Variants in RANBP2 observed in about 807,000 individuals in gnomAD.
RANBP2 encodes the protein RAN binding protein 2, also known as E3 SUMO-protein ligase RanBP2.
In RANBP2, 57 loss-of-function variants were observed where a neutral mutation model predicts 303.6. The observed-to-expected ratio is 0.19, with a 90% CI of 0.15 to 0.23. The LOEUF is 0.23. Ranked by LOEUF, RANBP2 falls within the 10% of genes least tolerant of loss-of-function variation. The pLI, the probability that RANBP2 is intolerant of heterozygous loss-of-function variation, is 1.00. For missense variants in RANBP2, 3,138 were observed against 3,780.8 expected, an observed-to-expected ratio of 0.83 and a Z score of 4.46; for synonymous variants, 1,167 against 1,301.5, an observed-to-expected ratio of 0.90 and a Z score of 2.23.
chr2:109,213,766 G>A, the RANBP2 span, among the ~76,000 whole-genome samples: 1 of 152,224 alleles, frequency 6.6e-6, no homozygotes, highest in African/African-American at 2.4e-5. Flanking sequence ...ATAGGAACGT[G>A]ACGTGGTCTC....
At chr2:108,964,810 A>G in the RANBP2 span, among the ~76,000 whole-genome samples, 2 of 152,156 alleles carry the variant, frequency 1.3e-5, no homozygotes, top group African/African-American at 4.8e-5. Context: ...TCCTAATCAG[A>G]AGACCTTCCA....
the RANBP2 span, among the ~76,000 whole-genome samples, chr2:109,103,153 C>T: frequency 6.4e-3 from 970 of 152,308 alleles, 15 homozygotes; most frequent in African/African-American, 0.023. Context: ...GAGGAAAAAA[C>T]ATCAAAGTGG....
At chr2:109,299,102 G>A in the RANBP2 span, among the ~76,000 whole-genome samples, 1 of 152,268 alleles carries the variant, frequency 6.6e-6, no homozygotes, top group East Asian at 1.9e-4. Context: ...GGCTCCCCCA[G>A]GGCATTTGCA....
the RANBP2 span, among the ~76,000 whole-genome samples, chr2:109,471,443 T>A: frequency 3.7e-4 from 57 of 152,244 alleles, no homozygotes; most frequent in African/African-American, 1.3e-3. Flanking sequence ...TCACTCACTA[T>A]CACAAGAACA....
At chr2:109,297,766 T>A in the RANBP2 span, among the ~76,000 whole-genome samples, 1 of 148,272 alleles carries the variant, frequency 6.7e-6, no homozygotes, top group East Asian at 2.0e-4. Flanking sequence ...AGTCAGTGCC[T>A]CCCACTCAGT....
At chr2:109,096,990 C>T in the RANBP2 span, among the ~76,000 whole-genome samples, 1 of 152,010 alleles carries the variant, frequency 6.6e-6, no homozygotes, top group African/African-American at 2.4e-5. Context: ...TCACTGGCTT[C>T]CCCCCACCCA....
At chr2:108,742,744 A>G (rs535449366) in intron 7 of RANBP2, among the ~76,000 whole-genome samples, 15 of 152,326 alleles carry the variant, frequency 9.8e-5, no homozygotes, top group African/African-American at 3.4e-4. Context: ...TAATACCAAC[A>G]TTAAAAGGTT....
the RANBP2 span, chr2:108,805,067 A>G: frequency 1.0e-6 from 1 of 959,856 alleles, no homozygotes; most frequent in Non-Finnish European, 1.4e-6. Flanking sequence ...TATTTTATAT[A>G]TAACAAATTA....
chr2:109,524,927 C>T, the RANBP2 span, among the ~76,000 whole-genome samples: 2 of 152,052 alleles, frequency 1.3e-5, no homozygotes, highest in African/African-American at 2.4e-5. Flanking sequence ...GGTTCCTCCT[C>T]GGCGCAGATC....
At chr2:108,962,830 A>T in the RANBP2 span, among the ~76,000 whole-genome samples, 4 of 152,164 alleles carry the variant, frequency 2.6e-5, no homozygotes, top group Non-Finnish European at 5.9e-5. Context: ...GAGCAGAGTG[A>T]TGCTGAATTA....
the RANBP2 span, among the ~76,000 whole-genome samples, chr2:109,334,355 CT>C: frequency 7.2e-4 from 61 of 85,146 alleles, no homozygotes; most frequent in East Asian, 0.012. Context: ...TTTTTTTTTC[CT>C]TTAAAAAAAA....
At chr2:109,249,505 C>T in the RANBP2 span, among the ~76,000 whole-genome samples, 2 of 43,254 alleles carry the variant, frequency 4.6e-5, 1 homozygote, top group Non-Finnish European at 8.4e-5. Flanking sequence ...TTCTTTCTTT[C>T]TTTCATTCTT....
chr2:108,767,494 C>G lies in RANBP2; in HGVS notation c.6955C>G (p.Leu2319Val), dbSNP rs759284450. Residue 2319 changes from leucine to valine, a missense_variant, in exon 20 of 29, where the codon CTA becomes GTA. Transcript: ENST00000283195. ...TGAACCTGTTGTTCCTTTACCTGAT[C>G]TAGTTGAAGTATCCAGTGGTGAGGA... ...YFEPVVPLPD[L>V]VEVSSGEENE... 2.5e-6 allele frequency: 4 copies of G among 1,611,778 alleles called. No homozygotes were observed. Among genetic ancestry groups the G allele is most frequent in the Non-Finnish European group, 3.4e-6 (4 of 1,179,830 alleles).
At chr2:109,016,460 A>G in the RANBP2 span, among the ~76,000 whole-genome samples, 11 of 152,208 alleles carry the variant, frequency 7.2e-5, no homozygotes, top group Admixed American at 2.6e-4. Flanking sequence ...CACCAGAGGC[A>G]GAATGTGCTT....
chr2:108,942,464 T>C, the RANBP2 span, among the ~76,000 whole-genome samples: 1 of 152,230 alleles, frequency 6.6e-6, no homozygotes, highest in African/African-American at 2.4e-5. Context: ...CCCACCCCTG[T>C]GGACCTGTGG....
the RANBP2 span, chr2:109,501,902 C>G: frequency 1.8e-5 from 9 of 504,058 alleles, no homozygotes; most frequent in Non-Finnish European, 3.2e-5. Context: ...TGCCCACCCC[C>G]TCTGTGGAAA....
At chr2:109,732,548 G>A in the RANBP2 span, among the ~76,000 whole-genome samples, 4 of 125,234 alleles carry the variant, frequency 3.2e-5, no homozygotes, top group African/African-American at 6.1e-5. Flanking sequence ...GTGTAGTCTC[G>A]GCTTACTGCA....
chr2:109,427,117 T>C, the RANBP2 span, among the ~76,000 whole-genome samples: 6 of 152,076 alleles, frequency 3.9e-5, no homozygotes, highest in Non-Finnish European at 7.4e-5. Flanking sequence ...TGCAGGTGCC[T>C]GCCACCACAC....
the RANBP2 span, among the ~76,000 whole-genome samples, chr2:109,694,646 AT>A: frequency 6.6e-6 from 1 of 152,064 alleles, no homozygotes; most frequent in Non-Finnish European, 1.5e-5. Flanking sequence ...AAATTTTCAG[AT>A]TTTCCTAATC....
Sources: gnomAD v4.1 joint callset for allele counts (sites outside exome capture counted in the v4.1 genomes callset) on GRCh38, gnomAD v4.1.1 for gene constraint, MANE v1.5 for transcripts, NCBI Gene and HGNC (gene_info 2026-07-23, HGNC 2026-07-21) for gene names.